WDR59: variants seen among roughly 807,000 people sequenced by gnomAD.
WDR59 encodes the protein GATOR2 complex protein WDR59.
Under a neutral mutation model 131.2 loss-of-function variants are expected in WDR59, and 100 were observed. That is an observed-to-expected ratio of 0.76 (90% CI 0.65 to 0.90). The LOEUF (loss-of-function observed/expected upper bound fraction) is 0.90. WDR59 is among the 40% of genes least tolerant of loss of function. The pLI, the probability that WDR59 is intolerant of heterozygous loss-of-function variation, is 0.00. For missense variants in WDR59, 1,203 were observed against 1,262.2 expected (o/e 0.95, Z 0.71); for synonymous variants, 601 against 466.2 (o/e 1.29, Z -3.72).
intron 7 of WDR59, among the ~76,000 whole-genome samples, chr16:74,939,977 T>C (rs2032089906): frequency 6.6e-6 from 1 of 152,132 alleles, no homozygotes; most frequent in Non-Finnish European, 1.5e-5. Flanking sequence ...AGAGGGAGAC[T>C]GTCTCAAAAA....
chr16:74,913,080 G>T (rs1966183179), intron 13 of WDR59, among the ~76,000 whole-genome samples: 1 of 151,718 alleles, frequency 6.6e-6, no homozygotes, highest in Non-Finnish European at 1.5e-5. Context: ...TGGGGGGGGG[G>T]GGGGCCTGTT....
chr16:74,940,732 G>T (rs747201547), intron 7 of WDR59, among the ~76,000 whole-genome samples: 1 of 152,030 alleles, frequency 6.6e-6, no homozygotes, highest in East Asian at 1.9e-4. Flanking sequence ...TTGAGACGGA[G>T]TCTTGCTCTG....
At chr16:74,887,081 G>A (rs1964804845) in intron 23 of WDR59, among the ~76,000 whole-genome samples, 1 of 152,082 alleles carries the variant, frequency 6.6e-6, no homozygotes, top group African/African-American at 2.4e-5. Flanking sequence ...CCACACTCCT[G>A]CACACAAAGA....
chr16:74,903,746 G>T (rs1271800743), intron 18 of WDR59, among the ~76,000 whole-genome samples: 1 of 152,134 alleles, frequency 6.6e-6, no homozygotes, highest in Non-Finnish European at 1.5e-5. Flanking sequence ...CATAAGAACG[G>T]CCCCCTGACC....
chr16:74,915,142 C>A lies in WDR59; in HGVS notation c.1224+728G>T, dbSNP rs74735169. 6.8e-3 allele frequency among the ~76,000 whole-genome samples: 1,029 copies of A among 152,242 alleles called. 9 individuals carry two copies. The highest frequency in any genetic ancestry group is 0.023 in the African/African-American group (957 of 41,526). On this transcript the variant is annotated intron_variant, in intron 13 of 25. Coordinates refer to ENST00000262144, the MANE Select transcript of WDR59 (RefSeq NM_030581.4). ...AGCCTGTGAGAGAAGATGGCACAGCCCAGCACAGCACAGCACAGCACAGCA... is the reference window on the plus strand; with the variant it reads ...AGCCTGTGAGAGAAGATGGCACAGCACAGCACAGCACAGCACAGCACAGCA...
chr16:74,981,396 A>C (rs1257311539), intron 1 of WDR59, among the ~76,000 whole-genome samples: 3 of 147,204 alleles, frequency 2.0e-5, no homozygotes, highest in Non-Finnish European at 3.0e-5. Flanking sequence ...CAAAAAAAAC[A>C]CACACACACA....
chr16:74,873,903 G>A lies in WDR59; in HGVS notation c.*306C>T, dbSNP rs980389704. 2.9e-5 allele frequency: 11 copies of A among 375,210 alleles called. No individual in the cohort carries two copies. Among genetic ancestry groups the A allele is most frequent in the Non-Finnish European group, 5.5e-5 (11 of 200,288 alleles). The allele number at this position is 375,210 out of a possible 1,614,324, so 23.2% of individuals were successfully genotyped here. A position where few individuals can be genotyped will look rare whatever the true frequency, so the allele number is the denominator to read the frequency against. Reference sequence around the variant, plus strand: ...CTTACAGGGTAACACTGTAACACTGGCCCTGGAGCCAGGTGCTTTTCTCCA... The same window carrying A: ...CTTACAGGGTAACACTGTAACACTGACCCTGGAGCCAGGTGCTTTTCTCCA... On this transcript the variant is annotated 3_prime_UTR_variant, in exon 26 of 26. Coordinates refer to ENST00000262144, the MANE Select transcript of WDR59 (RefSeq NM_030581.4).
At chr16:74,950,026 A>T in intron 4 of WDR59, 2 of 560,142 alleles carry the variant, frequency 3.6e-6, no homozygotes, top group Non-Finnish European at 3.4e-6. Context: ...CAGAAAAGAA[A>T]TGGAGTGCTT....
At position 74,887,358 on chromosome 16, in the gene WDR59, G is replaced by A. The variant is rs528577957; in HGVS notation, c.2419+325C>T. ...TACACTGAAAGCATTCATGGGAAGC[G>A]GTAGGTGGCAGATGAACATGGAAAG... On this transcript the variant is annotated intron_variant, in intron 23 of 25. Coordinates refer to ENST00000262144, the MANE Select transcript of WDR59 (RefSeq NM_030581.4). Among the ~76,000 whole-genome samples, 24 of 152,214 alleles carry A rather than the reference G, an allele frequency of 1.6e-4. No individual in the cohort carries two copies. In the South Asian group the frequency reaches 2.7e-3, roughly 17 times the overall value.
At chr16:74,905,902 C>T (rs112247512) in intron 17 of WDR59, among the ~76,000 whole-genome samples, 2 of 151,848 alleles carry the variant, frequency 1.3e-5, no homozygotes, top group African/African-American at 2.4e-5. Flanking sequence ...AGATACAGTT[C>T]CCCCAAAATG....
Position 74,888,206 on chromosome 16 carries a change from T to C in WDR59, c.2309A>G (p.Asn770Ser). The C allele has an allele frequency of 1.2e-6, 2 of 1,612,904 alleles. No individual in the cohort carries two copies. Reference protein sequence around the residue: ...GLPNPFGPFPNRSSNLVVSHS... With the variant: ...GLPNPFGPFPSRSSNLVVSHS... ...GGACACCACAAGATTAGAAGAACGGTTAGGAAAAGGCCCAAAGGGGTTTGG... is the reference window on the plus strand; with the variant it reads ...GGACACCACAAGATTAGAAGAACGGCTAGGAAAAGGCCCAAAGGGGTTTGG... Residue 770 changes from asparagine to serine, a missense_variant, in exon 22 of 26, where the codon AAC becomes AGC. Physicochemically the swap from Asn to Ser is conservative, Grantham distance 46. Coordinates refer to ENST00000262144, the MANE Select transcript of WDR59 (RefSeq NM_030581.4).
chr16:74,954,365 G>A (rs1334071557), intron 3 of WDR59, among the ~76,000 whole-genome samples: 2 of 151,540 alleles, frequency 1.3e-5, no homozygotes, highest in Non-Finnish European at 2.9e-5. Context: ...CCGAGATCAT[G>A]CCACTGCACT....
intron 10 of WDR59, among the ~76,000 whole-genome samples, chr16:74,918,942 CA>C (rs1386606784): frequency 2.6e-5 from 4 of 152,188 alleles, no homozygotes; most frequent in Non-Finnish European, 4.4e-5. Context: ...AGCCAGACAG[CA>C]ACTATTCTGA....
intron 23 of WDR59, 61 bp downstream of exon 23, chr16:74,887,622 C>T (rs1352445690): frequency 2.0e-6 from 3 of 1,487,722 alleles, no homozygotes; most frequent in African/African-American, 2.8e-5. Flanking sequence ...CTAAAGGTTA[C>T]ATATGCACAG....
chr16:74,959,392 TC>T, intron 2 of WDR59: 1 of 326,314 alleles, frequency 3.1e-6, no homozygotes, highest in South Asian at 2.3e-5. Context: ...GAGATGCCAG[TC>T]GCTCTTTAGC....
intron 25 of WDR59, among the ~76,000 whole-genome samples, chr16:74,877,783 G>A (rs987029426): frequency 5.3e-5 from 8 of 152,300 alleles, no homozygotes; most frequent in African/African-American, 1.9e-4. Flanking sequence ...GACCTCAGGT[G>A]ATCCACCTGC....
rs74648251 is a variant in WDR59 at position 74,982,895 on chromosome 16, A to G, written c.54+2069T>C. 1.3e-3 allele frequency among the ~76,000 whole-genome samples: 200 copies of G among 152,314 alleles called. 1 individual carries two copies. The highest frequency in any genetic ancestry group is 2.3e-3 in the Non-Finnish European group (158 of 68,028). The stretch of plus-strand genomic sequence containing the variant: ...TGGGGTTTTGGAAAGAAGAAACCAC[A>G]TCACCCATTCATACTTATCCAGATC... On this transcript the variant is annotated intron_variant, in intron 1 of 25. Coordinates refer to ENST00000262144, the MANE Select transcript of WDR59 (RefSeq NM_030581.4).
chr16:74,978,816 G>A (rs2145250074), intron 1 of WDR59, among the ~76,000 whole-genome samples: 1 of 152,210 alleles, frequency 6.6e-6, no homozygotes, highest in South Asian at 2.1e-4. Flanking sequence ...TACTGTGAGG[G>A]AAGAGTTGTC....
chr16:74,976,371 T>A (rs2034180128), intron 1 of WDR59, among the ~76,000 whole-genome samples: 1 of 152,076 alleles, frequency 6.6e-6, no homozygotes, highest in Non-Finnish European at 1.5e-5. Flanking sequence ...ATTTTCAATT[T>A]CAAGATAAAA....
Sources: gnomAD v4.1 joint callset for allele counts (sites outside exome capture counted in the v4.1 genomes callset) on GRCh38, gnomAD v4.1.1 for gene constraint, MANE v1.5 for transcripts, NCBI Gene and HGNC (gene_info 2026-07-23, HGNC 2026-07-21) for gene names.